TAP2: variants seen among roughly 807,000 people sequenced by gnomAD.
The protein encoded by TAP2 is transporter 2, ATP binding cassette subfamily B member.
Under a neutral mutation model 74.7 loss-of-function variants are expected in TAP2, and 49 were observed. The observed-to-expected ratio is 0.66, with a 90% CI of 0.52 to 0.83. TAP2 has a LOEUF of 0.83. TAP2 is among the 40% of genes least tolerant of loss of function. The pLI is 0.00. For synonymous variants in TAP2, 306 were observed against 368.4 expected, an observed-to-expected ratio of 0.83 and a Z score of 1.94; for missense variants, 739 against 859.0, an observed-to-expected ratio of 0.86 and a Z score of 1.75.
downstream of TAP2, among the ~76,000 whole-genome samples, chr6:32,825,091 T>C (rs1350601690): frequency 2.1e-5 from 3 of 146,092 alleles, no homozygotes; most frequent in East Asian, 2.1e-4. Flanking sequence ...ACCCAGAAGA[T>C]TGTCAAAATT....
At chr6:32,824,594 CTTCTT>C (rs1768516508), downstream of TAP2, among the ~76,000 whole-genome samples, 1 of 152,038 alleles carries the variant, frequency 6.6e-6, no homozygotes, top group Admixed American at 6.6e-5. Flanking sequence ...TCTTACTTTG[CTTCTT>C]TTGTTTTCCT....
At position 32,826,233 on chromosome 6, in the gene TAP2, A is replaced by G. The variant is rs1768642945; in HGVS notation, c.*2673T>C. 1 of 985,434 alleles carries G rather than the reference A, an allele frequency of 1.0e-6. No individual in the cohort carries two copies. The highest frequency in any genetic ancestry group is 1.2e-6 in the Non-Finnish European group (1 of 829,946). 61.0% of individuals were successfully genotyped at this position (985,434 alleles called of 1,614,324 possible). On this transcript the variant is annotated 3_prime_UTR_variant, in exon 12 of 12. Coordinates refer to ENST00000374897, the MANE Select transcript of TAP2 (RefSeq NM_001290043.2). ...GTGGCTATCCCTGGGTGGAGGCATAAAGGACTTGAAACTCAATGCTGTTTC... is the reference window on the plus strand; with the variant it reads ...GTGGCTATCCCTGGGTGGAGGCATAGAGGACTTGAAACTCAATGCTGTTTC...
intron 7 of TAP2, among the ~76,000 whole-genome samples, chr6:32,831,292 C>T (rs980354333): frequency 1.3e-5 from 2 of 152,244 alleles, no homozygotes; most frequent in Admixed American, 6.5e-5. Flanking sequence ...TAAATGCTCA[C>T]TCTGCCTTTC....
At chr6:32,836,856 G>T (rs1183240216) in intron 3 of TAP2, among the ~76,000 whole-genome samples, 1 of 152,180 alleles carries the variant, frequency 6.6e-6, no homozygotes, top group Non-Finnish European at 1.5e-5. Context: ...GTTTTCGAGG[G>T]TACTCTAAAT....
At chr6:32,822,047 T>G, downstream of TAP2, 4 of 532,478 alleles carry the variant, frequency 7.5e-6, no homozygotes, top group Non-Finnish European at 6.8e-6. Flanking sequence ...TCCCACCTAG[T>G]GAGAATCCAT....
At position 32,832,875 on chromosome 6, in the gene TAP2, C is replaced by T. The variant is rs780127084; in HGVS notation, c.946-51G>A. On this transcript the variant is annotated intron_variant, in intron 5 of 11. Transcript: ENST00000374897. The surrounding 1 kb of genome is among the most constrained non-coding windows in gnomAD (Gnocchi z 5.9). ...AGGGCTGATGTGCAAAGACAGCAGGCCCCCACATCTTACTCCAGCCAGTGA... is the reference window on the plus strand; with the variant it reads ...AGGGCTGATGTGCAAAGACAGCAGGTCCCCACATCTTACTCCAGCCAGTGA... 3.1e-6 allele frequency: 5 copies of T among 1,591,976 alleles called. No homozygotes were observed. Among genetic ancestry groups the T allele is most frequent in the East Asian group, 4.5e-5 (2 of 44,768 alleles).
chr6:32,835,103 T>A lies in TAP2; in HGVS notation c.945+51A>T, dbSNP rs1309633757. ...TCTAGCCACAAATGTGGAAGCCTCCTCACCTGTCAGTTTTATTCTCCCTTT... is the reference window on the plus strand; with the variant it reads ...TCTAGCCACAAATGTGGAAGCCTCCACACCTGTCAGTTTTATTCTCCCTTT... On this transcript the variant is annotated intron_variant, in intron 5 of 11. Transcript: ENST00000374897. This position sits in a 1 kb window ranked among gnomAD's most constrained non-coding sequence, Gnocchi z 4.0. The A allele has an allele frequency of 2.5e-6, 4 of 1,593,970 alleles. No individual in the cohort carries two copies. The South Asian group carries it at 3.3e-5, about 13-fold the overall frequency.
Position 32,832,712 on chromosome 6 carries a change from C to T in TAP2, c.1058G>A (p.Cys353Tyr), listed in dbSNP as rs1269991691. Residue 353 changes from cysteine (C) to tyrosine (Y), a missense_variant, in exon 6 of 12, where the codon TGT (cysteine) becomes TAT (tyrosine). By Grantham distance (194) the Cys-to-Tyr change is radical (BLOSUM62 -2). Coordinates refer to ENST00000374897, the MANE Select transcript of TAP2 (RefSeq NM_001290043.2). The surrounding 1 kb of genome is among the most constrained non-coding windows in gnomAD (Gnocchi z 5.9). ...RSFGAEEHEV[C>Y]RYKEALEQCR... The stretch of plus-strand genomic sequence containing the variant: ...TTGTTCAAGGGCCTCTTTATAGCGA[C>T]AGACTTCATGCTCCTCGGCCCCAAA... 2 of 1,613,130 alleles carry T rather than the reference C, an allele frequency of 1.2e-6. No homozygotes were observed. The highest frequency in any genetic ancestry group is 1.7e-5 in the Admixed American group (1 of 60,018).
At chr6:32,822,641 A>G (rs1768361150), downstream of TAP2, among the ~76,000 whole-genome samples, 1 of 150,416 alleles carries the variant, frequency 6.6e-6, no homozygotes. Context: ...GGCCCAAGCG[A>G]TCCTCCCACC....
In TAP2 at chr6:32,838,100, C is replaced by T; in HGVS notation, c.134G>A (p.Arg45Gln). The change falls in exon 2 of 12, where the codon CGG becomes CAG. Residue 45 changes from arginine to glutamine, a missense_variant. By Grantham distance (43) the Arg-to-Gln change is conservative (BLOSUM62 1). Transcript: ENST00000374897. ...LPGLWLEGTL[R>Q]LGGLWGLLKL... ...TAGCAGCCCCCACAGCCCTCCCAGC[C>T]GCAGGGTCCCCTCCAGCCATAGTCC... is the stretch of plus-strand genomic sequence containing the variant. 2 of 1,611,842 alleles carry T rather than the reference C, an allele frequency of 1.2e-6. No homozygotes were observed. Among genetic ancestry groups the T allele is most frequent in the Non-Finnish European group, 1.7e-6 (2 of 1,179,582 alleles).
intron 7 of TAP2, 146 bp from the exon 8 acceptor site, chr6:32,830,952 G>A: frequency 1.2e-6 from 1 of 840,202 alleles, no homozygotes; most frequent in Non-Finnish European, 1.9e-6. Context: ...GTACAATTTG[G>A]ACGGAATTTA....
At position 32,830,031 on chromosome 6, in the gene TAP2, G is replaced by C. The variant is rs560100282; in HGVS notation, c.1694C>G (p.Ala565Gly). 2.5e-6 allele frequency: 4 copies of C among 1,613,110 alleles called. No homozygotes were observed. In the Admixed American group the frequency reaches 6.7e-5, roughly 27 times the overall value. ...LFSGSVRNNI[A>G]YGLQSCEDDK... is the part of the protein sequence containing the mutation. ...ATCTTCGCAGCTCTGCAGCCCATAA[G>C]CAATGTTGTTCCTCACAGAACCGGA... Residue 565 changes from alanine to glycine, a missense_variant, in exon 10 of 12, where the codon GCT becomes GGT. Physicochemically the swap from Ala to Gly is moderately conservative, Grantham distance 60 (BLOSUM62 0). Transcript: ENST00000374897.
Position 32,837,982 on chromosome 6 carries a change from C to G in TAP2, c.252G>C (p.Ala84=), listed in dbSNP as rs781135979. 1 of 1,612,490 alleles carries G rather than the reference C, an allele frequency of 6.2e-7. No homozygotes were observed. Residue 84 remains alanine, a synonymous_variant, in exon 2 of 12, where the codon GCG becomes GCC. Coordinates refer to ENST00000374897, the MANE Select transcript of TAP2 (RefSeq NM_001290043.2). ...PLTVSLRALV[A]GASRAPPARV... is the part of the protein sequence containing the mutation. ...TGGCTGGGGGAGCACGTGAGGCCCC[C>G]GCGACCAGGGCTCTCAGGGAGACAG...
At position 32,830,598 on chromosome 6, in the gene TAP2, T is replaced by C. The variant is rs755548838; in HGVS notation, c.1461+20A>G. ...AGCAGCAGAGAGCAAGGGTCCAGGT[T>C]TCCTCCCTCTTTCAGGCACCTTGAG... On this transcript the variant is annotated intron_variant, in intron 8 of 11. Coordinates refer to ENST00000374897, the MANE Select transcript of TAP2 (RefSeq NM_001290043.2). 48 of 1,612,834 alleles carry C rather than the reference T, an allele frequency of 3.0e-5. No homozygotes were observed. Among genetic ancestry groups the C allele is most frequent in the Non-Finnish European group, 3.8e-5 (45 of 1,180,008 alleles).
chr6:32,826,523 CACTT>C lies in TAP2; in HGVS notation c.*2379_*2382del. On this transcript the variant is annotated 3_prime_UTR_variant, in exon 12 of 12. Coordinates refer to ENST00000374897, the MANE Select transcript of TAP2 (RefSeq NM_001290043.2). ...ACATCTGTGGTTCCCAGACAAACCA[CACTT>C]ACAGGAATTTGTCTGTCTAGCCCGA... 1 of 985,392 alleles carries C rather than the reference CACTT, an allele frequency of 1.0e-6. No homozygotes were observed. Among genetic ancestry groups the C allele is most frequent in the Non-Finnish European group, 1.2e-6 (1 of 829,932 alleles). The allele number at this position is 985,392 out of a possible 1,614,324, so 61.0% of individuals were successfully genotyped here.
At position 32,830,458 on chromosome 6, in the gene TAP2, G is replaced by C; in HGVS notation, c.1462-18C>G. 6.2e-7 allele frequency: 1 copy of C among 1,607,712 alleles called. No homozygotes were observed. Among genetic ancestry groups the C allele is most frequent in the Non-Finnish European group, 8.5e-7 (1 of 1,177,454 alleles). Reference sequence around the variant, plus strand: ...GTCAGCCCCTAGAAAACCAGAAAAAGAGTTAAGGGCCTGCCCCTTCTCCCT... The same window carrying C: ...GTCAGCCCCTAGAAAACCAGAAAAACAGTTAAGGGCCTGCCCCTTCTCCCT... On this transcript the variant is annotated intron_variant, in intron 8 of 11. Transcript: ENST00000374897.
chr6:32,827,372 C>T lies in TAP2; in HGVS notation c.*1534G>A. 1.0e-6 allele frequency: 1 copy of T among 976,296 alleles called. No individual in the cohort carries two copies. Among genetic ancestry groups the T allele is most frequent in the Non-Finnish European group, 1.2e-6 (1 of 821,760 alleles). 60.5% of individuals were successfully genotyped at this position (976,296 alleles called of 1,614,324 possible). A position where few individuals can be genotyped will look rare whatever the true frequency, so the allele number is the denominator to read the frequency against. On this transcript the variant is annotated 3_prime_UTR_variant, in exon 12 of 12. Coordinates refer to ENST00000374897, the MANE Select transcript of TAP2 (RefSeq NM_001290043.2). ...TATTTATTCTCCACTATGAATTAGG[C>T]CCTCGGCCAGGTAGCAGATATAAAG... is the stretch of plus-strand genomic sequence containing the variant.
At chr6:32,833,586 C>T (rs2127360530) in intron 5 of TAP2, among the ~76,000 whole-genome samples, 1 of 150,524 alleles carries the variant, frequency 6.6e-6, no homozygotes, top group African/African-American at 2.4e-5. Flanking sequence ...ATGAGATAAT[C>T]CTAATCACCT....
chr6:32,823,429 A>ATTTTTTT (rs9280195), downstream of TAP2, among the ~76,000 whole-genome samples: 36 of 64,544 alleles, frequency 5.6e-4, no homozygotes, highest in Admixed American at 8.0e-4. Context: ...GTCACACTCA[A>ATTTTTTT]TTTTTTTTTT....
Sources: gnomAD v4.1 joint callset for allele counts (sites outside exome capture counted in the v4.1 genomes callset) on GRCh38, gnomAD v4.1.1 for gene constraint, Gnocchi (gnomAD v3.1) non-coding constraint, MANE v1.5 for transcripts, NCBI Gene and HGNC (gene_info 2026-07-23, HGNC 2026-07-21) for gene names.